Variants in APP observed in about 807,000 individuals in gnomAD.
APP encodes amyloid beta precursor protein.
Under a neutral mutation model 101.4 loss-of-function variants are expected in APP, and 31 were observed. The observed-to-expected ratio is 0.31, with a 90% CI of 0.23 to 0.41. The LOEUF (loss-of-function observed/expected upper bound fraction) is 0.41, where lower values mean the gene tolerates loss of function less well. Among genes scored for constraint, APP ranks in the 10% least tolerant of loss-of-function variants. The pLI is 1.00. For missense variants in APP, 839 were observed against 1,003.7 expected, an observed-to-expected ratio of 0.84 and a Z score of 2.22; for synonymous variants, 366 against 364.4, an observed-to-expected ratio of 1.00 and a Z score of -0.05.
At chr21:26,016,747 T>C (rs1262737814) in intron 6 of APP, among the ~76,000 whole-genome samples, 1 of 152,148 alleles carries the variant, frequency 6.6e-6, no homozygotes, top group Non-Finnish European at 1.5e-5. Context: ...AATTTTTGTA[T>C]CTTTAGTACA....
chr21:25,914,048 C>T (rs773732514), intron 13 of APP, among the ~76,000 whole-genome samples: 5 of 152,108 alleles, frequency 3.3e-5, no homozygotes, highest in Non-Finnish European at 5.9e-5. Flanking sequence ...CACAACTGTA[C>T]TCAAGGTCCC....
chr21:26,062,478 C>A (rs1220492355), intron 3 of APP, among the ~76,000 whole-genome samples: 1 of 151,772 alleles, frequency 6.6e-6, no homozygotes, highest in African/African-American at 2.4e-5. Context: ...GCCTGGCTAA[C>A]ATGGTGAAAC....
chr21:25,901,295 TTAAAAAA>T lies in APP; in HGVS notation c.1964-3629_1964-3623del, dbSNP rs1393785567. Among the ~76,000 whole-genome samples the T allele has an allele frequency of 1.2e-3, 92 of 75,298 alleles. 1 individual carries two copies. The highest frequency in any genetic ancestry group is 2.4e-3 in the Admixed American group (18 of 7,580). The allele number at this position is 75,298 out of a possible 152,430, so 49.4% of individuals were successfully genotyped here. On this transcript the variant is annotated intron_variant, in intron 15 of 17. Coordinates refer to ENST00000346798, the MANE Select transcript of APP (RefSeq NM_000484.4). ...CCTGGAAACAGAGACAAATCCTGTT[TTAAAAAA>T]AAAAAAAAAAAAAAAACAAAACCAA...
At chr21:25,899,749 C>T (rs1174017192) in intron 15 of APP, among the ~76,000 whole-genome samples, 1 of 152,196 alleles carries the variant, frequency 6.6e-6, no homozygotes, top group Non-Finnish European at 1.5e-5. Flanking sequence ...CTGTAAGAAA[C>T]TAATGCTTGT....
chr21:26,040,605 TAAA>T (rs35349551), intron 5 of APP, among the ~76,000 whole-genome samples: 7 of 125,324 alleles, frequency 5.6e-5, no homozygotes, highest in African/African-American at 6.2e-5. Flanking sequence ...CCGTCTCCAT[TAAA>T]AAAAAAAAAA....
intron 17 of APP, 108 bp from the exon 18 acceptor site, chr21:25,881,879 A>T: frequency 8.7e-7 from 1 of 1,144,734 alleles, no homozygotes; most frequent in Non-Finnish European, 1.3e-6. Flanking sequence ...TTTTGCCAAG[A>T]TTGCAGAACA....
At chr21:26,002,528 C>T (rs749865425) in intron 6 of APP, among the ~76,000 whole-genome samples, 5 of 152,230 alleles carry the variant, frequency 3.3e-5, no homozygotes, top group Non-Finnish European at 7.3e-5. Context: ...TGCTCTTTAA[C>T]GTTTCTAAGA....
chr21:26,138,976 C>T (rs752659151), intron 1 of APP, among the ~76,000 whole-genome samples: 1 of 151,894 alleles, frequency 6.6e-6, no homozygotes, highest in South Asian at 2.1e-4. Flanking sequence ...TGTAGACTGG[C>T]GGGGTGGGGC....
At chr21:25,921,569 A>T (rs1355984649) in intron 13 of APP, among the ~76,000 whole-genome samples, 1 of 146,796 alleles carries the variant, frequency 6.8e-6, no homozygotes, top group Non-Finnish European at 1.5e-5. Flanking sequence ...ACAGAAATAC[A>T]AACTACCATC....
At chr21:26,039,113 A>C (rs2045259626) in intron 5 of APP, among the ~76,000 whole-genome samples, 1 of 152,188 alleles carries the variant, frequency 6.6e-6, no homozygotes, top group Non-Finnish European at 1.5e-5. Context: ...TAGGCAGGTT[A>C]GTTCTATCAT....
In APP at chr21:26,032,806, ATAT is replaced by A. The variant is rs1276778867; in HGVS notation, c.663-10767_663-10765del. Among the ~76,000 whole-genome samples, 241 of 79,552 alleles carry A rather than the reference ATAT, an allele frequency of 3.0e-3. 3 individuals are homozygous for A. The highest frequency in any genetic ancestry group is 4.8e-3 in the Non-Finnish European group (167 of 34,572). The allele number at this position is 79,552 out of a possible 152,430, so 52.2% of individuals were successfully genotyped here. On this transcript the variant is annotated intron_variant, in intron 5 of 17. Transcript: ENST00000346798. ...GCTTATTATTTTAGAAAAAAAAAAA[ATAT>A]ATATATATATATAAAGAGCTATCCT...
At position 25,897,150 on chromosome 21, in the gene APP, G is replaced by A. The variant is rs573492560; in HGVS notation, c.2064+423C>T. 7.3e-5 allele frequency among the ~76,000 whole-genome samples: 11 copies of A among 149,722 alleles called. No homozygotes were observed. In the South Asian group the frequency reaches 2.1e-3, roughly 29 times the overall value. On this transcript the variant is annotated intron_variant, in intron 16 of 17. Coordinates refer to ENST00000346798, the MANE Select transcript of APP (RefSeq NM_000484.4). ...TTCTTTTCTTTTTTTTTTTTGGGAT[G>A]GAGTCTCGCTCTGTCGCCTAGGCAC...
In APP at chr21:26,064,105, G is replaced by C. The variant is rs2046369723; in HGVS notation, c.356-10757C>G. ...AACCTTTAAGGTTATTAAAAAACTA[G>C]AGAAGTATAAAGAAACTGTCATAGC... On this transcript the variant is annotated intron_variant, in intron 3 of 17. Coordinates refer to ENST00000346798, the MANE Select transcript of APP (RefSeq NM_000484.4). Among the ~76,000 whole-genome samples, 2 of 152,300 alleles carry C rather than the reference G, an allele frequency of 1.3e-5. 1 individual carries two copies. The highest frequency in any genetic ancestry group is 3.9e-4 in the East Asian group (2 of 5,180).
At chr21:26,164,416 A>AC (rs1423694968) in intron 1 of APP, among the ~76,000 whole-genome samples, 2 of 152,204 alleles carry the variant, frequency 1.3e-5, no homozygotes, top group African/African-American at 4.8e-5. Context: ...TTCCATTTCT[A>AC]CCCAGATTGG....
chr21:25,949,299 A>G (rs1470072439), intron 13 of APP, among the ~76,000 whole-genome samples: 2 of 152,204 alleles, frequency 1.3e-5, no homozygotes, highest in East Asian at 3.8e-4. Flanking sequence ...TAAATCAAGT[A>G]GATGACCAAA....
intron 16 of APP, among the ~76,000 whole-genome samples, chr21:25,893,550 G>T (rs2037832440): frequency 6.6e-6 from 1 of 152,210 alleles, no homozygotes; most frequent in Non-Finnish European, 1.5e-5. Context: ...ACTTTTAGTT[G>T]TCTGGATGGA....
At chr21:26,025,827 T>C (rs1270264279) in intron 5 of APP, among the ~76,000 whole-genome samples, 1 of 152,242 alleles carries the variant, frequency 6.6e-6, no homozygotes, top group African/African-American at 2.4e-5. Flanking sequence ...TACCATAGCT[T>C]TGATTTCTGG....
chr21:25,978,458 T>C (rs2042304154), intron 9 of APP, among the ~76,000 whole-genome samples: 1 of 152,182 alleles, frequency 6.6e-6, no homozygotes. Flanking sequence ...CAGGTTAAGG[T>C]ACCAGCTCGA....
At chr21:26,098,182 T>C (rs962102327) in intron 2 of APP, among the ~76,000 whole-genome samples, 2 of 147,854 alleles carry the variant, frequency 1.4e-5, no homozygotes, top group Non-Finnish European at 3.0e-5. Context: ...ATTATATTAA[T>C]ATTTTTATAT....
Sources: gnomAD v4.1 joint callset for allele counts (sites outside exome capture counted in the v4.1 genomes callset) on GRCh38, gnomAD v4.1.1 for gene constraint, MANE v1.5 for transcripts, NCBI Gene and HGNC (gene_info 2026-07-23, HGNC 2026-07-21) for gene names.